The following SYCP1 variants were observed in gnomAD, a reference collection of about 807,000 sequenced individuals.
SYCP1 encodes the protein synaptonemal complex protein 1.
Under a neutral mutation model 153.1 loss-of-function variants are expected in SYCP1, and 64 were observed. The ratio of observed to expected loss-of-function variants is 0.42; its 90% confidence interval spans 0.34 to 0.51. SYCP1 has a LOEUF of 0.51. SYCP1 is among the 20% of genes least tolerant of loss of function. SYCP1 has a pLI of 0.06. For synonymous variants in SYCP1, 384 were observed against 341.8 expected (o/e 1.12, Z -1.36); for missense variants, 997 against 1,049.0 (o/e 0.95, Z 0.68).
chr1:114,889,062 T>G (rs959251168), intron 15 of SYCP1, among the ~76,000 whole-genome samples: 5 of 152,310 alleles, frequency 3.3e-5, no homozygotes, highest in African/African-American at 1.2e-4. Flanking sequence ...TGCGTAGTAT[T>G]CCATGATGTA....
intron 19 of SYCP1, 137 bp downstream of exon 19, chr1:114,913,287 C>A: frequency 1.5e-6 from 1 of 656,686 alleles, no homozygotes; most frequent in Non-Finnish European, 2.6e-6. Flanking sequence ...GAAAAATATG[C>A]ATATTGGTCT....
intron 12 of SYCP1, among the ~76,000 whole-genome samples, chr1:114,883,525 A>G (rs1177791927): frequency 4.6e-5 from 7 of 152,152 alleles, no homozygotes; most frequent in East Asian, 3.9e-4. Context: ...TGCATATTCC[A>G]TTTTCTAGGC....
At chr1:114,947,375 C>T in intron 27 of SYCP1, 55 bp downstream of exon 27, 1 of 1,254,354 alleles carries the variant, frequency 8.0e-7, no homozygotes, top group South Asian at 1.3e-5. Context: ...GGCAACTTTG[C>T]ATTTTTAGAA....
intron 15 of SYCP1, among the ~76,000 whole-genome samples, chr1:114,892,697 A>T (rs1666800817): frequency 6.6e-6 from 1 of 152,082 alleles, no homozygotes; most frequent in Non-Finnish European, 1.5e-5. Context: ...TTCCTGGCGC[A>T]CGCACGGGAA....
At chr1:114,956,826 A>G (rs1009895111) in intron 27 of SYCP1, among the ~76,000 whole-genome samples, 13 of 147,226 alleles carry the variant, frequency 8.8e-5, no homozygotes, top group African/African-American at 3.0e-4. Flanking sequence ...CAACAACCAG[A>G]CTTCTTAGAA....
intron 1 of SYCP1, 185 bp from the exon 2 acceptor site, chr1:114,855,256 G>A: frequency 6.0e-6 from 2 of 331,542 alleles, no homozygotes; most frequent in Middle Eastern, 8.3e-4. Flanking sequence ...AAGGAAACGA[G>A]GGTTTATTCC....
intron 25 of SYCP1, among the ~76,000 whole-genome samples, chr1:114,945,362 A>G (rs1290028310): frequency 6.6e-6 from 1 of 152,062 alleles, no homozygotes; most frequent in Admixed American, 6.5e-5. Context: ...TTATCAAAGG[A>G]ATAAATAGAT....
intron 20 of SYCP1, among the ~76,000 whole-genome samples, chr1:114,922,926 GA>G (rs1391536174): frequency 6.6e-6 from 1 of 152,112 alleles, no homozygotes; most frequent in East Asian, 1.9e-4. Flanking sequence ...AAATCAGCCA[GA>G]AGAATTGAGT....
At chr1:114,944,050 CTGAG>C (rs1670541462) in intron 23 of SYCP1, among the ~76,000 whole-genome samples, 1 of 151,630 alleles carries the variant, frequency 6.6e-6, no homozygotes, top group Admixed American at 6.6e-5. Flanking sequence ...GCGTATTAAA[CTGAG>C]TGAGAGTAAC....
intron 20 of SYCP1, among the ~76,000 whole-genome samples, chr1:114,915,400 T>A (rs1369809302): frequency 3.3e-5 from 5 of 152,230 alleles, no homozygotes; most frequent in Non-Finnish European, 7.3e-5. Context: ...ATGCTTTTTC[T>A]TGCCTTATTG....
chr1:114,868,853 T>C (rs1664930453), intron 8 of SYCP1, among the ~76,000 whole-genome samples: 1 of 152,226 alleles, frequency 6.6e-6, no homozygotes, highest in African/African-American at 2.4e-5. Flanking sequence ...TCATAATATT[T>C]CTTCATTTTA....
At chr1:114,878,238 T>C (rs2101485440) in intron 12 of SYCP1, 36 bp downstream of exon 12, 1 of 1,260,480 alleles carries the variant, frequency 7.9e-7, no homozygotes, top group East Asian at 2.4e-5. Flanking sequence ...ATGTGCCTTA[T>C]GTATTCCTCT....
At chr1:114,926,814 T>C (rs140779620) in intron 23 of SYCP1, among the ~76,000 whole-genome samples, 34 of 152,106 alleles carry the variant, frequency 2.2e-4, no homozygotes, top group African/African-American at 8.2e-4. Context: ...TATATGTGCA[T>C]GCATGAGCTC....
intron 27 of SYCP1, among the ~76,000 whole-genome samples, chr1:114,966,050 C>A (rs1412340913): frequency 1.3e-5 from 2 of 152,252 alleles, no homozygotes; most frequent in Admixed American, 1.3e-4. Flanking sequence ...AGGGATTTGA[C>A]TTCTCCCTGG....
chr1:114,888,866 C>T (rs531903840), intron 15 of SYCP1, among the ~76,000 whole-genome samples: 16 of 151,896 alleles, frequency 1.1e-4, no homozygotes, highest in African/African-American at 2.9e-4. Context: ...CCCCCCACCC[C>T]GCAACAGGTC....
chr1:114,991,212 A>G (rs1160414444), intron 30 of SYCP1, among the ~76,000 whole-genome samples: 2 of 151,956 alleles, frequency 1.3e-5, no homozygotes, highest in Admixed American at 1.3e-4. Context: ...TAAAAATTTG[A>G]CATATATGTT....
intron 8 of SYCP1, among the ~76,000 whole-genome samples, chr1:114,867,722 CT>C (rs1664860039): frequency 1.3e-5 from 2 of 151,570 alleles, no homozygotes; most frequent in South Asian, 4.2e-4. Flanking sequence ...GTTTTTATTT[CT>C]TTTTTCTCAA....
At chr1:114,974,126 A>T (rs1672663615) in intron 27 of SYCP1, among the ~76,000 whole-genome samples, 1 of 151,672 alleles carries the variant, frequency 6.6e-6, no homozygotes. Flanking sequence ...TGAATCTGTA[A>T]TCCAAGAGTC....
intron 30 of SYCP1, among the ~76,000 whole-genome samples, chr1:114,991,902 T>C (rs1168856380): frequency 6.6e-6 from 1 of 151,796 alleles, no homozygotes; most frequent in South Asian, 2.1e-4. Flanking sequence ...CATAGAAAAT[T>C]GCGAAGACTC....
Sources: gnomAD v4.1 joint callset for allele counts (sites outside exome capture counted in the v4.1 genomes callset) on GRCh38, gnomAD v4.1.1 for gene constraint, MANE v1.5 for transcripts, NCBI Gene and HGNC (gene_info 2026-07-23, HGNC 2026-07-21) for gene names.